CDK15: variants seen among roughly 807,000 people sequenced by gnomAD.
CDK15 encodes the protein cyclin-dependent kinase 15.
Under a neutral mutation model 60.3 loss-of-function variants are expected in CDK15, and 62 were observed. That is an observed-to-expected ratio of 1.03 (90% CI 0.84 to 1.27). The LOEUF (loss-of-function observed/expected upper bound fraction) is 1.27, where lower values mean the gene tolerates loss of function less well. Among genes scored for constraint, CDK15 ranks in the 50% most tolerant of loss-of-function variants. CDK15 has a pLI of 0.00. For missense variants in CDK15, 541 were observed against 527.8 expected, an observed-to-expected ratio of 1.03 and a Z score of -0.25; for synonymous variants, 194 against 195.7, an observed-to-expected ratio of 0.99 and a Z score of 0.07.
chr2:201,875,787 T>C (rs1215515592), intron 11 of CDK15, among the ~76,000 whole-genome samples: 2 of 152,184 alleles, frequency 1.3e-5, no homozygotes, highest in African/African-American at 4.8e-5. Flanking sequence ...AACAAAGACC[T>C]CAAGCAATGG....
intron 3 of CDK15, among the ~76,000 whole-genome samples, chr2:201,812,173 C>CAAA (rs56808760): frequency 2.1e-5 from 2 of 96,796 alleles, no homozygotes; most frequent in Non-Finnish European, 4.3e-5. Context: ...GATTCTGTCT[C>CAAA]AAAAAAAAAA....
intron 4 of CDK15, among the ~76,000 whole-genome samples, chr2:201,815,560 T>G (rs1288069435): frequency 2.0e-5 from 3 of 152,242 alleles, no homozygotes; most frequent in Non-Finnish European, 2.9e-5. Context: ...TAAGTGTTGA[T>G]TTTTACAACT....
intron 12 of CDK15, among the ~76,000 whole-genome samples, chr2:201,885,100 A>G (rs1699411926): frequency 6.6e-6 from 1 of 152,204 alleles, no homozygotes. Flanking sequence ...ATCTAAGATC[A>G]TTCTGAAGTT....
At chr2:201,807,760 C>T in intron 2 of CDK15, 98 bp from the exon 3 acceptor site, 1 of 1,544,910 alleles carries the variant, frequency 6.5e-7, no homozygotes, top group Non-Finnish European at 8.8e-7. Context: ...TCTGGCAATG[C>T]TGTCTAATTT....
At chr2:201,892,833 A>G (rs1478596892) in intron 13 of CDK15, among the ~76,000 whole-genome samples, 1 of 152,228 alleles carries the variant, frequency 6.6e-6, no homozygotes, top group East Asian at 1.9e-4. Context: ...GGAGAGTCAA[A>G]ATGTAAATTG....
chr2:201,833,371 T>G (rs1696843600), intron 6 of CDK15, among the ~76,000 whole-genome samples: 1 of 152,180 alleles, frequency 6.6e-6, no homozygotes, highest in Non-Finnish European at 1.5e-5. Flanking sequence ...TTTAGTGTGG[T>G]CTCCTTGTGT....
intron 8 of CDK15, among the ~76,000 whole-genome samples, chr2:201,836,185 A>T (rs1242665660): frequency 2.0e-4 from 16 of 78,562 alleles, no homozygotes; most frequent in East Asian, 2.7e-4. Context: ...TATTATATAT[A>T]TTTTTTTATA....
At chr2:201,887,948 GGATT>G (rs1387837657) in intron 12 of CDK15, among the ~76,000 whole-genome samples, 1 of 151,970 alleles carries the variant, frequency 6.6e-6, no homozygotes, top group Non-Finnish European at 1.5e-5. Context: ...TCCAGCTGAT[GGATT>G]GATGATGTGG....
rs139104971 is a variant in CDK15, at chr2:201,851,153, G to A, written c.945+3679G>A. Among the ~76,000 whole-genome samples the A allele has an allele frequency of 4.5e-3, 680 of 151,988 alleles. 7 individuals carry two copies. The highest frequency in any genetic ancestry group is 0.016 in the African/African-American group (653 of 41,466). Reference sequence around the variant, plus strand: ...CTAAAAATACAAAAACTAGCCGAACGTGGTGGTGTGCACCTGTAGTCCCAG... The same window carrying A: ...CTAAAAATACAAAAACTAGCCGAACATGGTGGTGTGCACCTGTAGTCCCAG... On this transcript the variant is annotated intron_variant, in intron 9 of 13. Transcript: ENST00000652192.
chr2:201,837,559 T>G (rs992438909), intron 8 of CDK15, among the ~76,000 whole-genome samples: 1 of 149,676 alleles, frequency 6.7e-6, no homozygotes, highest in African/African-American at 2.5e-5. Flanking sequence ...AGCCACAGAG[T>G]TGGGGAGGCT....
chr2:201,888,321 A>C (rs1699532858), intron 12 of CDK15: 1 of 1,328,946 alleles, frequency 7.5e-7, no homozygotes, highest in Non-Finnish European at 9.8e-7. Flanking sequence ...CAACTATCTC[A>C]TTATCTCGTT....
At chr2:201,806,923 A>G in intron 1 of CDK15, 136 bp downstream of exon 1, 4 of 1,041,830 alleles carry the variant, frequency 3.8e-6, no homozygotes, top group South Asian at 4.5e-5. Flanking sequence ...AAAGTCACAG[A>G]AAATTTATGG....
At chr2:201,860,862 GTCTGAAACCAC>G (rs1373788698) in intron 10 of CDK15, 1 of 1,351,866 alleles carries the variant, frequency 7.4e-7, no homozygotes, top group Non-Finnish European at 9.8e-7. Context: ...GCTTCACTGC[GTCTGAAACCAC>G]TATGAGACAG....
At position 201,880,178 on chromosome 2, in the gene CDK15, G is replaced by A. The variant is rs527624365; in HGVS notation, c.1198+11G>A. The A allele has an allele frequency of 6.2e-7, 1 of 1,613,712 alleles. No individual in the cohort carries two copies. Among genetic ancestry groups the A allele is most frequent in the East Asian group, 2.2e-5 (1 of 44,854 alleles). Reference sequence around the variant, plus strand: ...ACCAGCTTCCTGATGGTGAGCGAGGGAGTGTGTGCGTGTGCGTGAGTGCAT... The same window carrying A: ...ACCAGCTTCCTGATGGTGAGCGAGGAAGTGTGTGCGTGTGCGTGAGTGCAT... On this transcript the variant is annotated intron_variant, in intron 12 of 13. Transcript: ENST00000652192.
intron 8 of CDK15, among the ~76,000 whole-genome samples, chr2:201,840,505 G>T (rs1414620585): frequency 6.6e-6 from 1 of 152,100 alleles, no homozygotes; most frequent in Non-Finnish European, 1.5e-5. Flanking sequence ...GTACACTTTA[G>T]TTACCACTTT....
intron 6 of CDK15, among the ~76,000 whole-genome samples, chr2:201,826,824 A>G (rs1445618634): frequency 1.3e-5 from 2 of 152,220 alleles, no homozygotes; most frequent in East Asian, 3.8e-4. Flanking sequence ...CTGTACTTAT[A>G]TTTTTATGTA....
chr2:201,844,504 T>G (rs541107384), intron 8 of CDK15, among the ~76,000 whole-genome samples: 27 of 152,302 alleles, frequency 1.8e-4, no homozygotes, highest in African/African-American at 5.8e-4. Context: ...AAAAAGAACA[T>G]GGATATTTAA....
At chr2:201,838,019 A>G (rs1282683826) in intron 8 of CDK15, among the ~76,000 whole-genome samples, 1 of 152,164 alleles carries the variant, frequency 6.6e-6, no homozygotes, top group East Asian at 1.9e-4. Context: ...TGTCACTTCA[A>G]AGGACTCCGG....
chr2:201,852,354 A>G (rs1481520245), intron 9 of CDK15, among the ~76,000 whole-genome samples: 1 of 152,164 alleles, frequency 6.6e-6, no homozygotes, highest in African/African-American at 2.4e-5. Context: ...TTCTATATTT[A>G]TCCTGAGATC....
Sources: gnomAD v4.1 joint callset for allele counts (sites outside exome capture counted in the v4.1 genomes callset) on GRCh38, gnomAD v4.1.1 for gene constraint, MANE v1.5 for transcripts, NCBI Gene and HGNC (gene_info 2026-07-23, HGNC 2026-07-21) for gene names.